Variants in RARB observed in about 807,000 individuals in gnomAD.
RARB encodes retinoic acid receptor beta.
In RARB, 17 loss-of-function variants were observed where a neutral mutation model predicts 51.9. That is an observed-to-expected ratio of 0.33 (90% confidence interval 0.22 to 0.49). The LOEUF (loss-of-function observed/expected upper bound fraction) is 0.49, where lower values mean the gene tolerates loss of function less well. Among genes scored for constraint, RARB ranks in the 20% least tolerant of loss-of-function variants. The pLI is 0.99. For missense variants in RARB, 369 were observed against 550.8 expected (o/e 0.67, Z 3.30); for synonymous variants, 215 against 195.4 (o/e 1.10, Z -0.84).
At chr3:25,018,209 A>G (rs1575121074) in intron 2 of RARB, among the ~76,000 whole-genome samples, 1 of 152,042 alleles carries the variant, frequency 6.6e-6, no homozygotes, top group South Asian at 2.1e-4. Context: ...GATGTGTTAC[A>G]GTAAAACAAA....
At chr3:24,936,745 C>A (rs1460007422) in intron 2 of RARB, among the ~76,000 whole-genome samples, 2 of 152,184 alleles carry the variant, frequency 1.3e-5, no homozygotes, top group African/African-American at 4.8e-5. Context: ...AGCACAGTAC[C>A]ATTCTTCTTT....
At chr3:25,014,193 G>C (rs1375709291) in intron 2 of RARB, among the ~76,000 whole-genome samples, 1 of 151,902 alleles carries the variant, frequency 6.6e-6, no homozygotes, top group Non-Finnish European at 1.5e-5. Flanking sequence ...ATGCCTTTTT[G>C]CAATATAACT....
chr3:25,124,973 T>C (rs35708873), intron 3 of RARB, among the ~76,000 whole-genome samples: 1 of 152,242 alleles, frequency 6.6e-6, no homozygotes, highest in Non-Finnish European at 1.5e-5. Context: ...TTGTTACTAA[T>C]GACTTATATA....
chr3:25,381,201 G>A (rs1048178181), intron 5 of RARB, among the ~76,000 whole-genome samples: 1 of 152,180 alleles, frequency 6.6e-6, no homozygotes, highest in African/African-American at 2.4e-5. Flanking sequence ...CAAGGCTAAC[G>A]TCAGACAGCC....
intron 5 of RARB, among the ~76,000 whole-genome samples, chr3:25,219,277 T>C (rs1185185525): frequency 1.4e-5 from 2 of 144,500 alleles, no homozygotes; most frequent in East Asian, 2.1e-4. Context: ...AAAAAAAAAA[T>C]ATGTATCCAT....
chr3:25,544,159 A>G (rs934385149), intron 3 of RARB, among the ~76,000 whole-genome samples: 10 of 152,260 alleles, frequency 6.6e-5, no homozygotes, highest in African/African-American at 1.9e-4. Flanking sequence ...TTAAGTTTAA[A>G]TGAAAAACAA....
intron 3 of RARB, among the ~76,000 whole-genome samples, chr3:25,060,890 A>G (rs1698536003): frequency 6.6e-6 from 1 of 151,890 alleles, no homozygotes; most frequent in South Asian, 2.1e-4. Flanking sequence ...GTAAGAAAAG[A>G]CTTTTTCTTT....
Position 25,002,300 on chromosome 3 carries a change from A to G in RARB, c.-379-57825A>G, listed in dbSNP as rs969632323. On this transcript the variant is annotated intron_variant, in intron 2 of 11. Transcript: ENST00000383772. ...TCAGGAGATAGACAAGATCGTTTAC[A>G]TCTCACTGTGAAACACAGAACCCTG... Among the ~76,000 whole-genome samples, 7 of 152,292 alleles carry G rather than the reference A, an allele frequency of 4.6e-5. No individual in the cohort carries two copies. The South Asian group carries it at 1.4e-3, about 32-fold the overall frequency.
rs139883551 is a variant in RARB at position 25,366,161 on chromosome 3, G to A, written c.179-95032G>A. Among the ~76,000 whole-genome samples the A allele has an allele frequency of 4.5e-3, 682 of 152,256 alleles. 3 individuals are homozygous for A. The highest frequency in any genetic ancestry group is 0.016 in the African/African-American group (651 of 41,534). ...TAAGGCTTCACATCCATTTTCTTCA[G>A]TACCTGTTACAGCCTTGTAATATGG... On this transcript the variant is annotated intron_variant, in intron 5 of 11. Transcript: ENST00000383772.
intron 4 of RARB, among the ~76,000 whole-genome samples, chr3:25,165,148 G>A (rs756757780): frequency 1.6e-4 from 24 of 152,016 alleles, no homozygotes; most frequent in Non-Finnish European, 3.2e-4. Flanking sequence ...TAAAGACACC[G>A]GCCTCACAAT....
At chr3:25,070,844 T>A (rs1698752621) in intron 3 of RARB, among the ~76,000 whole-genome samples, 1 of 152,232 alleles carries the variant, frequency 6.6e-6, no homozygotes, top group South Asian at 2.1e-4. Flanking sequence ...TCTACAACTT[T>A]AACATGCCCA....
intron 5 of RARB, among the ~76,000 whole-genome samples, chr3:25,334,504 G>A (rs998264500): frequency 6.6e-6 from 1 of 152,044 alleles, no homozygotes; most frequent in Non-Finnish European, 1.5e-5. Flanking sequence ...ACAGAATGGG[G>A]AACATCACAC....
At chr3:25,059,160 A>G (rs185989450) in intron 2 of RARB, among the ~76,000 whole-genome samples, 1 of 151,916 alleles carries the variant, frequency 6.6e-6, no homozygotes, top group Admixed American at 6.6e-5. Context: ...TCTATAATAT[A>G]ATTTTAGTGG....
chr3:25,159,415 C>CCCCA (rs1553638601), intron 4 of RARB, among the ~76,000 whole-genome samples: 3 of 150,802 alleles, frequency 2.0e-5, no homozygotes, highest in African/African-American at 7.3e-5. Flanking sequence ...ATGATCCACC[C>CCCCA]CCCCCGCTCC....
intron 2 of RARB, among the ~76,000 whole-genome samples, chr3:24,961,227 AAT>A (rs1480938635): frequency 6.6e-6 from 1 of 152,252 alleles, no homozygotes; most frequent in African/African-American, 2.4e-5. Flanking sequence ...TAAAAAAATA[AAT>A]ATTTATTGAA....
intron 5 of RARB, among the ~76,000 whole-genome samples, chr3:25,283,533 C>T (rs187741008): frequency 6.6e-6 from 1 of 152,304 alleles, no homozygotes; most frequent in South Asian, 2.1e-4. Flanking sequence ...AAACATAATA[C>T]CTGACACCTT....
At chr3:25,246,564 A>G (rs781085518) in intron 5 of RARB, among the ~76,000 whole-genome samples, 2 of 151,886 alleles carry the variant, frequency 1.3e-5, no homozygotes, top group Non-Finnish European at 2.9e-5. Flanking sequence ...TTTTCCTTCT[A>G]TCAGTCAGGC....
chr3:25,014,279 T>C (rs1317150184), intron 2 of RARB, among the ~76,000 whole-genome samples: 7 of 152,064 alleles, frequency 4.6e-5, no homozygotes, highest in African/African-American at 1.2e-4. Context: ...ATCAATAGAA[T>C]GTGCTGGGTT....
chr3:25,306,565 G>A (rs531716083), intron 5 of RARB, among the ~76,000 whole-genome samples: 44 of 151,706 alleles, frequency 2.9e-4, no homozygotes, highest in East Asian at 9.7e-4. Flanking sequence ...ACCCTGTTAC[G>A]TGAGGAAAAT....
Sources: allele counts gnomAD v4.1 joint callset (sites outside exome capture counted in the v4.1 genomes callset), GRCh38; gene constraint gnomAD v4.1.1; transcripts MANE v1.5; gene names NCBI Gene and HGNC (gene_info 2026-07-23, HGNC 2026-07-21).